The following ARHGAP35 variants were observed in gnomAD, a reference collection of about 807,000 sequenced individuals.
ARHGAP35 encodes Rho GTPase activating protein 35.
A neutral mutation model predicts 111.1 loss-of-function variants in ARHGAP35; 15 were observed. The ratio of observed to expected loss-of-function variants is 0.13; its 90% CI spans 0.09 to 0.21. ARHGAP35 has a LOEUF of 0.21. Ranked by LOEUF, ARHGAP35 falls within the 10% of genes least tolerant of loss-of-function variation. The pLI is 1.00. For missense variants in ARHGAP35, 1,262 were observed against 1,873.0 expected (o/e 0.67, Z 6.02); for synonymous variants, 643 against 710.3 (o/e 0.91, Z 1.51).
intron 1 of ARHGAP35, among the ~76,000 whole-genome samples, chr19:46,888,046 G>A (rs566894881): frequency 2.0e-5 from 3 of 150,052 alleles, no homozygotes; most frequent in African/African-American, 7.3e-5. Context: ...CCGCCTCCTG[G>A]GTTCATGCCA....
chr19:46,934,383 C>T (rs542653242), intron 2 of ARHGAP35, among the ~76,000 whole-genome samples: 38 of 152,324 alleles, frequency 2.5e-4, no homozygotes, highest in African/African-American at 9.1e-4. Context: ...GCCCCTCCTC[C>T]CGGAGACACA....
intron 1 of ARHGAP35, among the ~76,000 whole-genome samples, chr19:46,900,312 C>T (rs1321555429): frequency 6.6e-6 from 1 of 150,558 alleles, no homozygotes; most frequent in Non-Finnish European, 1.5e-5. Context: ...GCCTCCTCCT[C>T]CCAGGTTTAA....
intron 1 of ARHGAP35, among the ~76,000 whole-genome samples, chr19:46,917,345 C>T (rs540069549): frequency 7.2e-5 from 11 of 152,328 alleles, no homozygotes; most frequent in South Asian, 6.2e-4. Context: ...TGATCGCTTA[C>T]GCCTGTAATC....
chr19:46,988,128 C>T lies in ARHGAP35; in HGVS notation c.3904+62C>T, dbSNP rs999424371. ...CTGGTCAAGGCAGACACAGCTGCCT[C>T]GGTGAACTGTCTGTGGGGCTTCGGA... On this transcript the variant is annotated intron_variant, in intron 4 of 6. Transcript: ENST00000672722. This position sits in a 1 kb window ranked among gnomAD's most constrained non-coding sequence, Gnocchi z 5.4. 1.1e-5 allele frequency: 16 copies of T among 1,491,574 alleles called. No individual in the cohort carries two copies. Among genetic ancestry groups the T allele is most frequent in the East Asian group, 4.6e-5 (2 of 43,132 alleles). The allele number at this position is 1,491,574 out of a possible 1,614,324, so 92.4% of individuals were successfully genotyped here.
At chr19:46,983,410 C>T (rs2056631690) in intron 3 of ARHGAP35, among the ~76,000 whole-genome samples, 1 of 152,076 alleles carries the variant, frequency 6.6e-6, no homozygotes, top group African/African-American at 2.4e-5. Flanking sequence ...ACAGAGTAAG[C>T]ATTTGATAAA....
At chr19:46,893,492 G>A (rs1477484028) in intron 1 of ARHGAP35, among the ~76,000 whole-genome samples, 1 of 151,932 alleles carries the variant, frequency 6.6e-6, no homozygotes. Flanking sequence ...AAAATGCTGT[G>A]ATTCTGTCAT....
At chr19:46,871,481 T>G (rs1037519222) in intron 1 of ARHGAP35, among the ~76,000 whole-genome samples, 4 of 152,152 alleles carry the variant, frequency 2.6e-5, no homozygotes, top group South Asian at 4.2e-4. Context: ...TAGCTGAGAT[T>G]ACAGGTGCGT....
At position 46,902,950 on chromosome 19, in the gene ARHGAP35, T is replaced by C. The variant is rs1599808141; in HGVS notation, c.-188-15538T>C. Among the ~76,000 whole-genome samples, 5 of 152,308 alleles carry C rather than the reference T, an allele frequency of 3.3e-5. No homozygotes were observed. The South Asian group carries it at 6.2e-4, about 19-fold the overall frequency. ...AACTAAAGGGTTGGTGTGTATGATATCGCATTTTGGTATGAACAGATTATA... is the reference window on the plus strand; with the variant it reads ...AACTAAAGGGTTGGTGTGTATGATACCGCATTTTGGTATGAACAGATTATA... On this transcript the variant is annotated intron_variant, in intron 1 of 6. Transcript: ENST00000672722.
At position 46,964,674 on chromosome 19, in the gene ARHGAP35, A is replaced by T. The variant is rs1212587866; in HGVS notation, c.3827-23315A>T. 2.0e-5 allele frequency among the ~76,000 whole-genome samples: 3 copies of T among 152,214 alleles called. No homozygotes were observed. In the South Asian group the frequency reaches 6.2e-4, roughly 32 times the overall value. ...CAGCTGACCCTCTGAATGTGGGATA[A>T]TATTTGCTTGATAGGGCAGTTTCAG... On this transcript the variant is annotated intron_variant, in intron 3 of 6. Coordinates refer to ENST00000672722, the MANE Select transcript of ARHGAP35 (RefSeq NM_004491.5).
At chr19:46,872,482 G>A (rs1022029702) in intron 1 of ARHGAP35, among the ~76,000 whole-genome samples, 2 of 150,232 alleles carry the variant, frequency 1.3e-5, no homozygotes, top group Admixed American at 6.6e-5. Context: ...ATAAACATAT[G>A]AAAGAAAAAT....
intron 1 of ARHGAP35, among the ~76,000 whole-genome samples, chr19:46,865,336 T>C (rs1420578280): frequency 6.6e-6 from 1 of 152,202 alleles, no homozygotes; most frequent in Admixed American, 6.5e-5. Flanking sequence ...TCATTTAAGT[T>C]ATCATCTTGT....
chr19:46,981,365 A>G (rs1455383553), intron 3 of ARHGAP35, among the ~76,000 whole-genome samples: 1 of 152,186 alleles, frequency 6.6e-6, no homozygotes, highest in Admixed American at 6.5e-5. Context: ...TTTTTAAAGG[A>G]CTAAGTGCTG....
intron 3 of ARHGAP35, among the ~76,000 whole-genome samples, chr19:46,974,905 A>C (rs1449877678): frequency 6.6e-6 from 1 of 151,894 alleles, no homozygotes; most frequent in Non-Finnish European, 1.5e-5. Flanking sequence ...GGAGTCTCTC[A>C]CTGTTGCCTG....
intron 1 of ARHGAP35, among the ~76,000 whole-genome samples, chr19:46,864,098 C>T (rs765444866): frequency 1.5e-4 from 23 of 152,166 alleles, no homozygotes; most frequent in Non-Finnish European, 3.1e-4. Flanking sequence ...GTGGGTGGGC[C>T]CTGACATTCC....
At chr19:46,998,749 C>T (rs896970822) in intron 5 of ARHGAP35, among the ~76,000 whole-genome samples, 6 of 152,178 alleles carry the variant, frequency 3.9e-5, no homozygotes, top group African/African-American at 1.2e-4. Flanking sequence ...AAAGGGGGTG[C>T]GTAGTTCCTT....
At chr19:46,896,769 G>C (rs574024004) in intron 1 of ARHGAP35, among the ~76,000 whole-genome samples, 1 of 152,320 alleles carries the variant, frequency 6.6e-6, no homozygotes, top group South Asian at 2.1e-4. Context: ...TAGCTGCTCT[G>C]TTGGGTTACT....
At chr19:46,874,497 T>A (rs1035367013) in intron 1 of ARHGAP35, among the ~76,000 whole-genome samples, 1 of 145,106 alleles carries the variant, frequency 6.9e-6, no homozygotes, top group Non-Finnish European at 1.5e-5. Flanking sequence ...GTTTTATGTT[T>A]TGTCTTTTTT....
intron 3 of ARHGAP35, among the ~76,000 whole-genome samples, chr19:46,983,357 T>C (rs1284594965): frequency 6.6e-6 from 1 of 152,158 alleles, no homozygotes; most frequent in East Asian, 1.9e-4. Flanking sequence ...TTGTGAGAAC[T>C]GCTATGAAAA....
In ARHGAP35 at chr19:46,887,733, A is replaced by G. The variant is rs112682465; in HGVS notation, c.-189+26524A>G. On this transcript the variant is annotated intron_variant, in intron 1 of 6. Coordinates refer to ENST00000672722, the MANE Select transcript of ARHGAP35 (RefSeq NM_004491.5). The stretch of plus-strand genomic sequence containing the variant: ...CGTTTCATACACTTCTCATCGGGGT[A>G]TTCTCCTGCTACACCCTCCCCGACC... Among the ~76,000 whole-genome samples, 984 of 152,252 alleles carry G rather than the reference A, an allele frequency of 6.5e-3. 6 individuals carry two copies. Among genetic ancestry groups the G allele is most frequent in the Middle Eastern group, 0.02 (6 of 294 alleles).
Sources: gnomAD v4.1 joint callset for allele counts (sites outside exome capture counted in the v4.1 genomes callset) on GRCh38, gnomAD v4.1.1 for gene constraint, Gnocchi (gnomAD v3.1) non-coding constraint, MANE v1.5 for transcripts, NCBI Gene and HGNC (gene_info 2026-07-23, HGNC 2026-07-21) for gene names.